The following C8orf34 variants were observed in gnomAD, a reference collection of about 807,000 sequenced individuals.
The protein encoded by C8orf34 is uncharacterized protein C8orf34.
Under a neutral mutation model 68.3 loss-of-function variants are expected in C8orf34, and 65 were observed. The observed-to-expected ratio is 0.95, with a 90% CI of 0.78 to 1.17. The LOEUF (loss-of-function observed/expected upper bound fraction) is 1.17. Among genes scored for constraint, C8orf34 ranks in the 50% most tolerant of loss-of-function variants. The pLI is 0.00. For missense variants in C8orf34, 664 were observed against 655.4 expected, an observed-to-expected ratio of 1.01 and a Z score of -0.14; for synonymous variants, 244 against 241.2, an observed-to-expected ratio of 1.01 and a Z score of -0.11.
At chr8:68,737,935 G>A (rs1399927097) in intron 10 of C8orf34, among the ~76,000 whole-genome samples, 2 of 151,988 alleles carry the variant, frequency 1.3e-5, no homozygotes, top group Non-Finnish European at 2.9e-5. Flanking sequence ...CCTGAGAGAC[G>A]CTTACAATAC....
intron 7 of C8orf34, among the ~76,000 whole-genome samples, chr8:68,578,816 C>T (rs1483990177): frequency 6.6e-6 from 1 of 151,986 alleles, no homozygotes; most frequent in East Asian, 1.9e-4. Context: ...TGGTCTATTA[C>T]ACTTGTAATT....
intron 8 of C8orf34, among the ~76,000 whole-genome samples, chr8:68,704,581 C>A (rs1274157622): frequency 1.3e-5 from 2 of 151,960 alleles, no homozygotes; most frequent in South Asian, 4.2e-4. Flanking sequence ...TTCTAAAATC[C>A]TTGTGAGTCA....
At chr8:68,650,531 G>C (rs1819322392) in intron 8 of C8orf34, among the ~76,000 whole-genome samples, 2 of 143,392 alleles carry the variant, frequency 1.4e-5, no homozygotes, top group South Asian at 2.2e-4. Context: ...CCAGGCTGGA[G>C]TGCAGTGGCA....
chr8:68,644,142 A>G (rs912529607), intron 8 of C8orf34, among the ~76,000 whole-genome samples: 1 of 152,192 alleles, frequency 6.6e-6, no homozygotes, highest in African/African-American at 2.4e-5. Flanking sequence ...AAAGGTCTAC[A>G]AATTAATTAT....
intron 8 of C8orf34, among the ~76,000 whole-genome samples, chr8:68,666,874 A>G (rs1466176624): frequency 2.0e-5 from 3 of 152,188 alleles, no homozygotes; most frequent in Admixed American, 2.0e-4. Context: ...GCAAAGTGCT[A>G]TTTTTATCCT....
chr8:68,374,920 G>A (rs541729481), intron 1 of C8orf34, among the ~76,000 whole-genome samples: 1 of 152,230 alleles, frequency 6.6e-6, no homozygotes, highest in East Asian at 1.9e-4. Context: ...ACCTTAATGT[G>A]TTGTTGTGAA....
intron 8 of C8orf34, among the ~76,000 whole-genome samples, chr8:68,681,441 T>A (rs1052746866): frequency 2.0e-5 from 3 of 152,096 alleles, no homozygotes; most frequent in Admixed American, 2.0e-4. Flanking sequence ...ACCAGAGAAA[T>A]GTGAGTCAAT....
intron 4 of C8orf34, among the ~76,000 whole-genome samples, chr8:68,473,207 C>G (rs1224691861): frequency 1.3e-5 from 2 of 152,090 alleles, no homozygotes; most frequent in Non-Finnish European, 2.9e-5. Context: ...ACAGTTCTCT[C>G]TCTTGTAAGA....
intron 7 of C8orf34, among the ~76,000 whole-genome samples, chr8:68,611,931 A>G (rs971350776): frequency 1.3e-5 from 2 of 152,156 alleles, no homozygotes; most frequent in South Asian, 4.1e-4. Flanking sequence ...TGTTTTTCAC[A>G]TTAACTTTAG....
At chr8:68,661,965 TAAAATA>T (rs149407167) in intron 8 of C8orf34, among the ~76,000 whole-genome samples, 36,433 of 151,866 alleles carry the variant, frequency 0.24, 4,716 homozygotes, top group East Asian at 0.56. Flanking sequence ...GTTGAGTCTA[TAAAATA>T]AATTGACAGT....
At chr8:68,721,189 C>CT (rs1470495121) in intron 9 of C8orf34, among the ~76,000 whole-genome samples, 172 bp from the exon 10 acceptor site, 1 of 151,914 alleles carries the variant, frequency 6.6e-6, no homozygotes. Context: ...TCATTTTTCA[C>CT]AAGTTGTTTT....
chr8:68,351,285 C>T (rs1806502313), intron 1 of C8orf34, among the ~76,000 whole-genome samples: 2 of 151,950 alleles, frequency 1.3e-5, no homozygotes, highest in Admixed American at 1.3e-4. Flanking sequence ...TGAATATAGG[C>T]CTCCTATTTA....
chr8:68,455,446 T>C (rs1586172728), intron 3 of C8orf34, among the ~76,000 whole-genome samples: 1 of 152,208 alleles, frequency 6.6e-6, no homozygotes, highest in East Asian at 1.9e-4. Context: ...TTATAATTAT[T>C]ATATCTTCTT....
intron 1 of C8orf34, among the ~76,000 whole-genome samples, chr8:68,400,735 A>AT (rs2129621232): frequency 6.6e-6 from 1 of 152,022 alleles, no homozygotes; most frequent in South Asian, 2.1e-4. Context: ...TTATGTGTCT[A>AT]TTTTTGTGTC....
At chr8:68,522,886 C>G (rs1814818636) in intron 6 of C8orf34, among the ~76,000 whole-genome samples, 1 of 152,106 alleles carries the variant, frequency 6.6e-6, no homozygotes, top group Non-Finnish European at 1.5e-5. Flanking sequence ...CATAGCATAG[C>G]CACAGTAACT....
At chr8:68,592,474 A>C (rs1817419617) in intron 7 of C8orf34, among the ~76,000 whole-genome samples, 1 of 151,854 alleles carries the variant, frequency 6.6e-6, no homozygotes, top group South Asian at 2.1e-4. Context: ...GAGTTTTATA[A>C]GTTAATATTT....
At chr8:68,561,165 T>G (rs1334626641) in intron 7 of C8orf34, among the ~76,000 whole-genome samples, 1 of 151,768 alleles carries the variant, frequency 6.6e-6, no homozygotes, top group East Asian at 2.0e-4. Context: ...GTATTTTTTG[T>G]GGAGGCAGGG....
At chr8:68,673,798 C>A (rs1236690622) in intron 8 of C8orf34, among the ~76,000 whole-genome samples, 1 of 152,082 alleles carries the variant, frequency 6.6e-6, no homozygotes, top group African/African-American at 2.4e-5. Flanking sequence ...TAGATGGTAG[C>A]AAGACAGTGG....
chr8:68,688,379 T>C (rs1248473443), intron 8 of C8orf34, among the ~76,000 whole-genome samples: 1 of 151,950 alleles, frequency 6.6e-6, no homozygotes, highest in African/African-American at 2.4e-5. Flanking sequence ...AATGAATGGA[T>C]AAAGAAAATG....
Sources: allele counts gnomAD v4.1 joint callset (sites outside exome capture counted in the v4.1 genomes callset), GRCh38; gene constraint gnomAD v4.1.1; transcripts MANE v1.5; gene names NCBI Gene and HGNC (gene_info 2026-07-23, HGNC 2026-07-21).